NCKAP1: variants seen among roughly 807,000 people sequenced by gnomAD.
NCKAP1 encodes the protein nck-associated protein 1.
NCKAP1 carries 21 observed loss-of-function variants against 151.2 expected under a neutral mutation model. The observed-to-expected ratio is 0.14, with a 90% confidence interval of 0.10 to 0.20. NCKAP1 has a LOEUF of 0.20. Among genes scored for constraint, NCKAP1 ranks in the 10% least tolerant of loss-of-function variants. The pLI, the probability that NCKAP1 is intolerant of heterozygous loss-of-function variation, is 1.00. For missense variants in NCKAP1, 933 were observed against 1,352.1 expected (o/e 0.69, Z 4.86); for synonymous variants, 484 against 451.8 (o/e 1.07, Z -0.90).
intron 1 of NCKAP1, among the ~76,000 whole-genome samples, chr2:183,033,062 G>T (rs995119892): frequency 6.6e-6 from 1 of 152,120 alleles, no homozygotes; most frequent in South Asian, 2.1e-4. Flanking sequence ...AAAAAGAGAA[G>T]AAATGCATTT....
At chr2:183,005,148 T>C (rs929032888) in intron 2 of NCKAP1, among the ~76,000 whole-genome samples, 3 of 152,214 alleles carry the variant, frequency 2.0e-5, no homozygotes, top group South Asian at 2.1e-4. Context: ...GATGTCTTAG[T>C]CCTTTTTCCT....
At chr2:182,933,385 C>T (rs1384519183) in intron 26 of NCKAP1, among the ~76,000 whole-genome samples, 2 of 122,574 alleles carry the variant, frequency 1.6e-5, no homozygotes, top group Non-Finnish European at 3.2e-5. Flanking sequence ...TTGAGTGGCA[C>T]CACATTTTTT....
intron 15 of NCKAP1, 74 bp downstream of exon 15, chr2:182,976,819 T>C (rs1575042475): frequency 1.1e-6 from 1 of 914,874 alleles, no homozygotes; most frequent in East Asian, 2.9e-5. Flanking sequence ...ACAATGAATA[T>C]TTTATAGTTG....
Position 182,945,810 on chromosome 2 carries a change from C to T in NCKAP1, c.2602-3647G>A, listed in dbSNP as rs905089114. Among the ~76,000 whole-genome samples, 6 of 152,142 alleles carry T rather than the reference C, an allele frequency of 3.9e-5. No individual in the cohort carries two copies. The South Asian group carries it at 1.0e-3, about 26-fold the overall frequency. On this transcript the variant is annotated intron_variant, in intron 23 of 30. Coordinates refer to ENST00000361354, the MANE Select transcript of NCKAP1 (RefSeq NM_013436.5). Reference sequence around the variant, plus strand: ...CAGCAATCTCATTACTGGGTATATACCCAAAGGAATATAAATCATTCTAAC... The same window carrying T: ...CAGCAATCTCATTACTGGGTATATATCCAAAGGAATATAAATCATTCTAAC...
At chr2:182,971,607 A>G (rs2105843199) in intron 15 of NCKAP1, among the ~76,000 whole-genome samples, 1 of 152,216 alleles carries the variant, frequency 6.6e-6, no homozygotes, top group African/African-American at 2.4e-5. Flanking sequence ...TCAATCCTGA[A>G]AAGTACAATC....
chr2:183,000,501 A>G (rs548105089), intron 6 of NCKAP1, among the ~76,000 whole-genome samples: 166 of 152,328 alleles, frequency 1.1e-3, no homozygotes, highest in African/African-American at 3.8e-3. Context: ...GAGGAATAGA[A>G]AAGACAGTTC....
intron 1 of NCKAP1, among the ~76,000 whole-genome samples, chr2:183,028,747 T>G: frequency 6.6e-6 from 1 of 152,300 alleles, no homozygotes; most frequent in Non-Finnish European, 1.5e-5. Flanking sequence ...CCAAATATTT[T>G]TTTAAATAAA....
intron 1 of NCKAP1, among the ~76,000 whole-genome samples, chr2:183,026,096 C>T (rs1355865605): frequency 6.6e-6 from 1 of 152,094 alleles, no homozygotes; most frequent in Non-Finnish European, 1.5e-5. Flanking sequence ...TACACACATA[C>T]ACATATATAA....
At chr2:183,032,705 CAACTT>C (rs1699027640) in intron 1 of NCKAP1, among the ~76,000 whole-genome samples, 1 of 152,124 alleles carries the variant, frequency 6.6e-6, no homozygotes, top group African/African-American at 2.4e-5. Context: ...AGATGCTCCT[CAACTT>C]AACAATAGGG....
rs1696396224 is a variant in NCKAP1 at position 182,911,596 on chromosome 2, T to C, written c.*14106A>G. On this transcript the variant is annotated 3_prime_UTR_variant, in exon 31 of 31. Coordinates refer to ENST00000361354, the MANE Select transcript of NCKAP1 (RefSeq NM_013436.5). The stretch of plus-strand genomic sequence containing the variant: ...AAATGTTAAATATTTCAGTCATCTA[T>C]GAATGGCCATCATAATGATTTGAAA... The C allele has an allele frequency of 6.6e-6, 1 of 152,236 alleles. No homozygotes were observed. Among genetic ancestry groups the C allele is most frequent in the African/African-American group, 2.4e-5 (1 of 41,460 alleles). The allele number at this position is 152,236 out of a possible 1,614,324, so 9.4% of individuals were successfully genotyped here.
chr2:182,992,068 T>C (rs1698180735), intron 8 of NCKAP1, among the ~76,000 whole-genome samples: 1 of 152,216 alleles, frequency 6.6e-6, no homozygotes, highest in South Asian at 2.1e-4. Context: ...TTCTGTTTAG[T>C]AGGTCTTGGG....
intron 17 of NCKAP1, among the ~76,000 whole-genome samples, chr2:182,963,627 A>G (rs543334983): frequency 4.5e-4 from 69 of 152,234 alleles, no homozygotes; most frequent in South Asian, 4.4e-3. Context: ...GAACTGTAAT[A>G]ATGACAATAG....
At chr2:183,009,475 G>GAAGC (rs1199446455) in intron 2 of NCKAP1, among the ~76,000 whole-genome samples, 11,175 of 99,314 alleles carry the variant, frequency 0.11, 1,405 homozygotes, top group South Asian at 0.23. Context: ...AGGAAGGAAG[G>GAAGC]AAGCAAGCAA....
intron 2 of NCKAP1, among the ~76,000 whole-genome samples, chr2:183,004,987 A>C (rs2105878197): frequency 6.6e-6 from 1 of 152,168 alleles, no homozygotes; most frequent in African/African-American, 2.4e-5. Flanking sequence ...GACTATTTTT[A>C]GCTTCATCTG....
At position 182,983,275 on chromosome 2, in the gene NCKAP1, A is replaced by T; in HGVS notation, c.1101+11T>A. On this transcript the variant is annotated intron_variant, in intron 11 of 30. Transcript: ENST00000361354. ...TGGCACAATTATTGAAATAATAATT[A>T]AATGAATTACCTTGGGACCTAGCAA... 2 of 1,552,484 alleles carry T rather than the reference A, an allele frequency of 1.3e-6. No homozygotes were observed. The highest frequency in any genetic ancestry group is 1.8e-6 in the Non-Finnish European group (2 of 1,138,590).
At chr2:183,020,481 GAAA>G (rs66675111) in intron 2 of NCKAP1, among the ~76,000 whole-genome samples, 1 of 136,276 alleles carries the variant, frequency 7.3e-6, no homozygotes, top group South Asian at 2.3e-4. Flanking sequence ...AAAAAAAAAA[GAAA>G]AAAAAGAAAA....
chr2:182,989,223 T>C, intron 8 of NCKAP1, 37 bp from the exon 9 acceptor site: 1 of 1,524,896 alleles, frequency 6.6e-7, no homozygotes, highest in Non-Finnish European at 8.9e-7. Context: ...AATGTAAATG[T>C]ACAAGTATTC....
In NCKAP1 at chr2:182,914,909, C is replaced by T. The variant is rs1463582106; in HGVS notation, c.*10793G>A. 8 of 152,150 alleles carry T rather than the reference C, an allele frequency of 5.3e-5. No individual in the cohort carries two copies. The allele number at this position is 152,150 out of a possible 1,614,324, so 9.4% of individuals were successfully genotyped here. ...GCATTGACTACCTTTTCCATCCCTT[C>T]CCTTTAAAGAAATCAGATTTTGTAA... On this transcript the variant is annotated 3_prime_UTR_variant, in exon 31 of 31. Coordinates refer to ENST00000361354, the MANE Select transcript of NCKAP1 (RefSeq NM_013436.5).
In NCKAP1 at chr2:182,952,509, G is replaced by A. The variant is rs1697234168; in HGVS notation, c.2504-7C>T. 1 of 1,562,048 alleles carries A rather than the reference G, an allele frequency of 6.4e-7. No homozygotes were observed. On this transcript the variant is annotated splice_polypyrimidine_tract_variant and splice_region_variant and intron_variant, in intron 22 of 30. Coordinates refer to ENST00000361354, the MANE Select transcript of NCKAP1 (RefSeq NM_013436.5). ...TCTGATAATGACCTCATTTCTGAAAGAAAACATACTTAATTTTATACTTCC... is the reference window on the plus strand; with the variant it reads ...TCTGATAATGACCTCATTTCTGAAAAAAAACATACTTAATTTTATACTTCC...
Sources: allele counts gnomAD v4.1 joint callset (sites outside exome capture counted in the v4.1 genomes callset), GRCh38; gene constraint gnomAD v4.1.1; transcripts MANE v1.5; gene names NCBI Gene and HGNC (gene_info 2026-07-23, HGNC 2026-07-21).